The following CPA6 variants were observed in gnomAD, a reference collection of about 807,000 sequenced individuals.
CPA6 encodes carboxypeptidase A6.
In CPA6, 58 loss-of-function variants were observed where a neutral mutation model predicts 63.3. The observed-to-expected ratio is 0.92, with a 90% CI of 0.74 to 1.14. The LOEUF (loss-of-function observed/expected upper bound fraction) is 1.14. Ranked by LOEUF, CPA6 falls within the 50% of genes most tolerant of loss-of-function variation. CPA6 has a pLI of 0.00. For missense variants in CPA6, 565 were observed against 526.6 expected (o/e 1.07, Z -0.71); for synonymous variants, 185 against 179.0 (o/e 1.03, Z -0.27).
At chr8:67,742,247 A>G (rs1483392619) in intron 1 of CPA6, among the ~76,000 whole-genome samples, 5 of 152,108 alleles carry the variant, frequency 3.3e-5, no homozygotes, top group Admixed American at 3.3e-4. Context: ...GTGACTCATC[A>G]TCACCCTAGA....
intron 8 of CPA6, among the ~76,000 whole-genome samples, chr8:67,434,673 G>A (rs1461210136): frequency 1.3e-5 from 2 of 152,230 alleles, no homozygotes; most frequent in African/African-American, 4.8e-5. Flanking sequence ...TCCCTCGCTT[G>A]GCAACAACAC....
Position 67,624,233 on chromosome 8 carries a change from A to T in CPA6, c.135T>A (p.Phe45Leu). 6.5e-7 allele frequency: 1 copy of T among 1,531,050 alleles called. No individual in the cohort carries two copies. The highest frequency in any genetic ancestry group is 9.0e-7 in the Non-Finnish European group (1 of 1,108,118). The allele number at this position is 1,531,050 out of a possible 1,614,324, so 94.8% of individuals were successfully genotyped here. ...NRYAGDKVIR[F>L]IPKTEEEAYA... ...ATGCTTCCTCTTCTGTTTTGGGAAT[A>T]AATCTTATCACTTTATCACTACAAG... The change falls in exon 2 of 11, where the codon TTT becomes TTA. Residue 45 changes from phenylalanine (F) to leucine (L), a missense_variant. Transcript: ENST00000297770.
At chr8:67,731,198 C>T (rs1255635854) in intron 1 of CPA6, among the ~76,000 whole-genome samples, 4 of 152,094 alleles carry the variant, frequency 2.6e-5, no homozygotes, top group Admixed American at 2.6e-4. Flanking sequence ...AGTTATCCAC[C>T]CTGTAATTAA....
At chr8:67,569,559 C>A in intron 2 of CPA6, 1 of 466,216 alleles carries the variant, frequency 2.1e-6, no homozygotes, top group South Asian at 1.7e-5. Flanking sequence ...AGGCAACGAC[C>A]ACACAACAAG....
chr8:67,511,860 A>G (rs1229422894), intron 3 of CPA6, among the ~76,000 whole-genome samples: 1 of 152,224 alleles, frequency 6.6e-6, no homozygotes, highest in East Asian at 1.9e-4. Context: ...ATGTAAAATT[A>G]TAGGCAGATA....
At chr8:67,731,798 C>T (rs898555736) in intron 1 of CPA6, among the ~76,000 whole-genome samples, 4 of 152,052 alleles carry the variant, frequency 2.6e-5, no homozygotes, top group South Asian at 2.1e-4. Context: ...AAGAATACGA[C>T]CAATAAAGTT....
At chr8:67,501,029 A>G (rs1215041328) in intron 6 of CPA6, among the ~76,000 whole-genome samples, 2 of 152,072 alleles carry the variant, frequency 1.3e-5, no homozygotes, top group Admixed American at 1.3e-4. Context: ...TCTTTTTCAA[A>G]ATAGTTTTAG....
Position 67,484,738 on chromosome 8 carries a change from G to C in CPA6, c.688C>G (p.Leu230Val), listed in dbSNP as rs762667453. ...DPAMRKMLNH[L>V]YFYIMPVFNV... is the part of the protein sequence containing the mutation. Reference sequence around the variant, plus strand: ...AACACAGGCATGATATAGAAATATAGATGATTCAACATTTTTCTCATGGCT... The same window carrying C: ...AACACAGGCATGATATAGAAATATACATGATTCAACATTTTTCTCATGGCT... The change falls in exon 7 of 11, where the codon CTA (leucine) becomes GTA (valine). Residue 230 changes from leucine to valine, a missense_variant. By Grantham distance (32) the Leu-to-Val change is conservative. Transcript: ENST00000297770. 1.9e-6 allele frequency: 3 copies of C among 1,610,940 alleles called. No homozygotes were observed. In the East Asian group the frequency reaches 6.7e-5, roughly 36 times the overall value.
rs1420369235 is a variant in CPA6 at position 67,447,532 on chromosome 8, CACACACACACACACAT to C, written c.839-13308_839-13293del. Among the ~76,000 whole-genome samples, 35 of 148,454 alleles carry C rather than the reference CACACACACACACACAT, an allele frequency of 2.4e-4. 1 individual carries two copies. The highest frequency in any genetic ancestry group is 8.9e-4 in the African/African-American group (34 of 38,302). On this transcript the variant is annotated intron_variant, in intron 8 of 10. Transcript: ENST00000297770. ...ACACACACACACACACACACACACA[CACACACACACACACAT>C]ACACATTTTAAATAGGTGATAAATT...
intron 2 of CPA6, among the ~76,000 whole-genome samples, chr8:67,528,919 T>C (rs1812421010): frequency 6.6e-6 from 1 of 151,604 alleles, no homozygotes; most frequent in African/African-American, 2.4e-5. Context: ...GGAGAGACTA[T>C]TGAAAAGTCT....
At chr8:67,733,547 T>C (rs1817756231) in intron 1 of CPA6, among the ~76,000 whole-genome samples, 1 of 152,194 alleles carries the variant, frequency 6.6e-6, no homozygotes, top group African/African-American at 2.4e-5. Context: ...AGAGTCCTTA[T>C]CAGAACTCAC....
At chr8:67,493,301 A>G (rs1341360929) in intron 6 of CPA6, among the ~76,000 whole-genome samples, 1 of 152,168 alleles carries the variant, frequency 6.6e-6, no homozygotes, top group African/African-American at 2.4e-5. Context: ...TTTACCTTTA[A>G]TGAGCAGCAA....
intron 2 of CPA6, among the ~76,000 whole-genome samples, chr8:67,613,918 C>G (rs1483084468): frequency 5.3e-5 from 8 of 152,136 alleles, no homozygotes; most frequent in Admixed American, 5.2e-4. Flanking sequence ...CATCTGAACT[C>G]TGAGAGGAGT....
intron 2 of CPA6, chr8:67,569,552 C>A: frequency 2.2e-6 from 1 of 464,984 alleles, no homozygotes; most frequent in Non-Finnish European, 4.4e-6. Flanking sequence ...TCCACACAGG[C>A]AACGACCACA....
chr8:67,668,756 C>G (rs1664483287), intron 1 of CPA6, among the ~76,000 whole-genome samples: 1 of 151,962 alleles, frequency 6.6e-6, no homozygotes, highest in African/African-American at 2.4e-5. Flanking sequence ...ATTAGGTATG[C>G]AAAAATGAAA....
intron 8 of CPA6, among the ~76,000 whole-genome samples, chr8:67,467,266 T>C (rs903989591): frequency 2.0e-5 from 3 of 152,214 alleles, no homozygotes; most frequent in African/African-American, 4.8e-5. Context: ...CCAATCTTCC[T>C]GCAAAGCTTC....
chr8:67,699,460 G>A (rs1816975834), intron 1 of CPA6, among the ~76,000 whole-genome samples: 1 of 151,612 alleles, frequency 6.6e-6, no homozygotes, highest in Non-Finnish European at 1.5e-5. Flanking sequence ...AACAGGAGGG[G>A]GGGATGTTAC....
chr8:67,549,947 C>A (rs745428845), intron 2 of CPA6, among the ~76,000 whole-genome samples: 4 of 152,170 alleles, frequency 2.6e-5, no homozygotes, highest in Non-Finnish European at 5.9e-5. Context: ...GCCATGAATA[C>A]AGGAGTGCAA....
Position 67,428,059 on chromosome 8 carries a change from A to G in CPA6, c.1114T>C (p.Ser372Pro), listed in dbSNP as rs1431161501. The change falls in exon 10 of 11, where the codon TCC becomes CCC. Residue 372 changes from serine (S) to proline (P), a missense_variant. Coordinates refer to ENST00000297770, the MANE Select transcript of CPA6 (RefSeq NM_020361.5). The part of the protein sequence containing the change: ...YGVRYRYGPA[S>P]TTLYVSSGSS... ...GCAGGAAACTTACACAACGTTGTGG[A>G]GGCTGGTCCATATCTGTATCGTACC... 12 of 1,609,444 alleles carry G rather than the reference A, an allele frequency of 7.5e-6. No homozygotes were observed. The highest frequency in any genetic ancestry group is 1.0e-5 in the Non-Finnish European group (12 of 1,175,954).
Sources: gnomAD v4.1 joint callset for allele counts (sites outside exome capture counted in the v4.1 genomes callset) on GRCh38, gnomAD v4.1.1 for gene constraint, MANE v1.5 for transcripts, NCBI Gene and HGNC (gene_info 2026-07-23, HGNC 2026-07-21) for gene names.